SNX18: variants seen among roughly 807,000 people sequenced by gnomAD.
SNX18 encodes sorting nexin 18, also known as sorting nexin-18.
Under a neutral mutation model 48.7 loss-of-function variants are expected in SNX18, and 35 were observed. The ratio of observed to expected loss-of-function variants is 0.72; its 90% CI spans 0.55 to 0.95. The LOEUF is 0.95. Ranked by LOEUF, SNX18 falls within the 40% of genes least tolerant of loss-of-function variation. The pLI is 0.00. For missense variants in SNX18, 824 were observed against 871.0 expected, an observed-to-expected ratio of 0.95 and a Z score of 0.68; for synonymous variants, 492 against 384.7, an observed-to-expected ratio of 1.28 and a Z score of -3.26.
the SNX18 span, among the ~76,000 whole-genome samples, chr5:54,565,191 T>C: frequency 1.3e-5 from 2 of 152,234 alleles, no homozygotes; most frequent in Non-Finnish European, 2.9e-5. Flanking sequence ...CCTAGCCATA[T>C]AACATAAAAT....
chr5:54,632,538 C>A, the SNX18 span, among the ~76,000 whole-genome samples: 1 of 152,164 alleles, frequency 6.6e-6, no homozygotes, highest in Non-Finnish European at 1.5e-5. Flanking sequence ...AGGCTGCATG[C>A]AGGACATTGC....
Position 54,527,775 on chromosome 5 carries a change from A to G in SNX18, c.1621+8202A>G, listed in dbSNP as rs115172599. Among the ~76,000 whole-genome samples the G allele has an allele frequency of 3.2e-3, 492 of 152,354 alleles. 5 individuals carry two copies. Among genetic ancestry groups the G allele is most frequent in the African/African-American group, 0.011 (473 of 41,574 alleles). On this transcript the variant is annotated intron_variant, in intron 1 of 1. Transcript: ENST00000381410. ...CTGTTAACTACTGTTTTATACATGC[A>G]TAGCAAGTACTTAATGAATGCTTGC...
rs1025221529 is a variant in SNX18 at position 54,544,644 on chromosome 5, C to T, written c.*1212C>T. 4.4e-5 allele frequency: 6 copies of T among 137,608 alleles called. No homozygotes were observed. The highest frequency in any genetic ancestry group is 2.3e-4 in the East Asian group (1 of 4,308). 8.5% of individuals were successfully genotyped at this position (137,608 alleles called of 1,614,324 possible). A position where few individuals can be genotyped will look rare whatever the true frequency, so the allele number is the denominator to read the frequency against. ...AAAAAGGTATTGATGAGCCCCCCCC[C>T]CCCAGGACATTTAACCTTAAAATTT... is the stretch of plus-strand genomic sequence containing the variant. On this transcript the variant is annotated 3_prime_UTR_variant, in exon 2 of 2. Transcript: ENST00000381410.
At chr5:54,597,412 A>G in the SNX18 span, among the ~76,000 whole-genome samples, 1 of 152,174 alleles carries the variant, frequency 6.6e-6, no homozygotes, top group East Asian at 1.9e-4. Context: ...ACACCTACAG[A>G]TCTTTCCACC....
intron 1 of SNX18, among the ~76,000 whole-genome samples, chr5:54,534,562 T>C (rs558222948): frequency 8.5e-4 from 130 of 152,194 alleles, no homozygotes; most frequent in African/African-American, 3.0e-3. Flanking sequence ...GAGGGCTTTT[T>C]TTTCTTTCTT....
At chr5:54,575,038 C>CT in the SNX18 span, among the ~76,000 whole-genome samples, 800 of 152,294 alleles carry the variant, frequency 5.3e-3, 8 homozygotes, top group African/African-American at 0.018. Context: ...CACCTTGCCA[C>CT]TTCCTGTCAA....
chr5:54,544,717 A>T lies in SNX18; in HGVS notation c.*1285A>T, dbSNP rs1762546547. ...ATTATAAGGGAAATACAGATGGCTG[A>T]TAAATACCAAAAAGATTCAAAAGCA... On this transcript the variant is annotated 3_prime_UTR_variant, in exon 2 of 2. Transcript: ENST00000381410. 1 of 141,326 alleles carries T rather than the reference A, an allele frequency of 7.1e-6. No individual in the cohort carries two copies. The highest frequency in any genetic ancestry group is 1.5e-5 in the Non-Finnish European group (1 of 64,974). The allele number at this position is 141,326 out of a possible 1,614,324, so 8.8% of individuals were successfully genotyped here. A position where few individuals can be genotyped will look rare whatever the true frequency, so the allele number is the denominator to read the frequency against.
the SNX18 span, among the ~76,000 whole-genome samples, chr5:54,637,285 T>C: frequency 2.2e-4 from 34 of 152,326 alleles, no homozygotes; most frequent in African/African-American, 7.7e-4. Flanking sequence ...ATATCTGAAA[T>C]AAATCTCCTA....
In SNX18 at chr5:54,518,946, G is replaced by T; in HGVS notation, c.994G>T (p.Val332Leu). 1 of 1,613,768 alleles carries T rather than the reference G, an allele frequency of 6.2e-7. No individual in the cohort carries two copies. The change falls in exon 1 of 2, where the codon GTG becomes TTG. Residue 332 changes from valine (V) to leucine (L), a missense_variant. Coordinates refer to ENST00000381410, the MANE Select transcript of SNX18 (RefSeq NM_001102575.2). ...GGCGGAGAAGTTCCCGGTCATCTCC[G>T]TGCCCCACCTGCCCGAGAAGCAGGC... ...RLAEKFPVIS[V>L]PHLPEKQATG...
At chr5:54,554,075 G>C in the SNX18 span, among the ~76,000 whole-genome samples, 1 of 152,302 alleles carries the variant, frequency 6.6e-6, no homozygotes, top group African/African-American at 2.4e-5. Context: ...GGGCTCTGCT[G>C]CTCTTTTACC....
chr5:54,559,756 C>A, the SNX18 span, among the ~76,000 whole-genome samples: 1 of 152,040 alleles, frequency 6.6e-6, no homozygotes, highest in African/African-American at 2.4e-5. Context: ...GCAAAAGAAT[C>A]AACAGAGTGA....
At chr5:54,530,630 T>TTAAA (rs1762236177) in intron 1 of SNX18, among the ~76,000 whole-genome samples, 2 of 152,082 alleles carry the variant, frequency 1.3e-5, no homozygotes, top group Non-Finnish European at 1.5e-5. Flanking sequence ...TTGTGTTTTA[T>TTAAA]ATTCATTATA....
At chr5:54,521,395 T>C (rs369880257) in intron 1 of SNX18, among the ~76,000 whole-genome samples, 2 of 152,194 alleles carry the variant, frequency 1.3e-5, no homozygotes, top group East Asian at 1.9e-4. Flanking sequence ...ACAGCAATGG[T>C]CTACTTAGTC....
chr5:54,629,398 A>C, the SNX18 span, among the ~76,000 whole-genome samples: 1 of 152,244 alleles, frequency 6.6e-6, no homozygotes, highest in Non-Finnish European at 1.5e-5. Flanking sequence ...AAAGGCAAAT[A>C]CACATTTCAG....
chr5:54,566,768 C>T, the SNX18 span, among the ~76,000 whole-genome samples: 1 of 152,210 alleles, frequency 6.6e-6, no homozygotes, highest in Non-Finnish European at 1.5e-5. Flanking sequence ...TGCCTGAAAA[C>T]AGAGGCATTA....
At chr5:54,588,573 C>T in the SNX18 span, among the ~76,000 whole-genome samples, 1 of 152,062 alleles carries the variant, frequency 6.6e-6, no homozygotes, top group Non-Finnish European at 1.5e-5. Flanking sequence ...ATGATCCACC[C>T]ACCTCAGCCT....
the SNX18 span, among the ~76,000 whole-genome samples, chr5:54,621,087 G>A: frequency 6.6e-6 from 1 of 152,154 alleles, no homozygotes; most frequent in Non-Finnish European, 1.5e-5. Flanking sequence ...AATTAGAGTA[G>A]CCCATGGAAC....
the SNX18 span, among the ~76,000 whole-genome samples, chr5:54,578,392 C>T: frequency 1.3e-5 from 2 of 152,196 alleles, no homozygotes; most frequent in Non-Finnish European, 2.9e-5. Context: ...CAACTGTTTT[C>T]CCCCGTCCCC....
downstream of SNX18, among the ~76,000 whole-genome samples, chr5:54,550,251 C>CTATG (rs1762630242): frequency 6.6e-6 from 1 of 152,060 alleles, no homozygotes; most frequent in South Asian, 2.1e-4. Context: ...AACAAAGGAC[C>CTATG]TATGGGGAAA....
Sources: allele counts gnomAD v4.1 joint callset (sites outside exome capture counted in the v4.1 genomes callset), GRCh38; gene constraint gnomAD v4.1.1; transcripts MANE v1.5; gene names NCBI Gene and HGNC (gene_info 2026-07-23, HGNC 2026-07-21).